Variants in LIX1 observed in about 807,000 individuals in gnomAD.
The protein encoded by LIX1 is limb and CNS expressed 1.
In LIX1, 24 loss-of-function variants were observed where a neutral mutation model predicts 33.4. That is an observed-to-expected ratio of 0.72 (90% CI 0.52 to 1.01). The LOEUF is 1.01. LIX1 is among the 50% of genes least tolerant of loss of function. The probability of loss-of-function intolerance (pLI) is 0.00; values close to 1 mark genes in which losing one functional copy is unlikely to be tolerated. For missense variants in LIX1, 311 were observed against 339.2 expected (o/e 0.92, Z 0.65); for synonymous variants, 124 against 124.0 (o/e 1.00, Z 0.00).
intron 3 of LIX1, among the ~76,000 whole-genome samples, chr5:97,105,849 C>T (rs1561492032): frequency 6.6e-6 from 1 of 152,178 alleles, no homozygotes; most frequent in Non-Finnish European, 1.5e-5. Context: ...AAATGAAATT[C>T]CCTTTCCATT....
Position 97,094,916 on chromosome 5 carries a change from C to T in LIX1, c.681G>A (p.Met227Ile), listed in dbSNP as rs767972758. Residue 227 changes from methionine to isoleucine, a missense_variant, in exon 6 of 6, where the codon ATG becomes ATA. Coordinates refer to ENST00000274382, the MANE Select transcript of LIX1 (RefSeq NM_153234.5). Reference protein sequence around the residue: ...SPGIVSQELRMALRQLEEARK... With the variant: ...SPGIVSQELRIALRQLEEARK... ...TGGCTTCCTCCAACTGCCTCAGGGC[C>T]ATTCGTAGCTCTTGAGAGACAATTC... 6.2e-7 allele frequency: 1 copy of T among 1,614,168 alleles called. No homozygotes were observed. Among genetic ancestry groups the T allele is most frequent in the South Asian group, 1.1e-5 (1 of 91,084 alleles).
At chr5:97,126,020 C>A (rs1362453885) in intron 1 of LIX1, among the ~76,000 whole-genome samples, 1 of 152,206 alleles carries the variant, frequency 6.6e-6, no homozygotes, top group Non-Finnish European at 1.5e-5. Context: ...CAGCTATGCC[C>A]ATAATCCAGG....
chr5:97,121,618 C>T (rs1747787233), intron 2 of LIX1, among the ~76,000 whole-genome samples: 1 of 152,100 alleles, frequency 6.6e-6, no homozygotes, highest in Non-Finnish European at 1.5e-5. Context: ...CTGCTTGCTC[C>T]ATTTTAATAG....
Position 97,107,488 on chromosome 5 carries a change from TACTTAAGCAGC to T in LIX1, c.248_258del (p.Cys83Ter). 2 of 1,614,144 alleles carry T rather than the reference TACTTAAGCAGC, an allele frequency of 1.2e-6. No individual in the cohort carries two copies. Among genetic ancestry groups the T allele is most frequent in the Non-Finnish European group, 1.7e-6 (2 of 1,180,014 alleles). On this transcript the variant is annotated frameshift_variant and splice_region_variant, in exon 3 of 6. Transcript: ENST00000274382. LOFTEE classifies it high-confidence loss of function. ...GCTGCATCCCGCCTGGCCTCGGCTC[TACTTAAGCAGC>T]ACTTGAGAAGGGAGGGAGAAAAGGA...
At chr5:97,136,737 G>A (rs141378814) in intron 1 of LIX1, among the ~76,000 whole-genome samples, 14 of 151,922 alleles carry the variant, frequency 9.2e-5, no homozygotes, top group African/African-American at 3.4e-4. Context: ...GATTATCATC[G>A]CAGGAGGAAA....
At chr5:97,112,106 C>T (rs1366014988) in intron 2 of LIX1, among the ~76,000 whole-genome samples, 1 of 152,218 alleles carries the variant, frequency 6.6e-6, no homozygotes, top group Non-Finnish European at 1.5e-5. Flanking sequence ...TGTTAACCAG[C>T]CGCTTTCTTC....
chr5:97,140,187 A>AAGAT (rs1183258672), intron 1 of LIX1, among the ~76,000 whole-genome samples: 2 of 152,212 alleles, frequency 1.3e-5, no homozygotes, highest in African/African-American at 4.8e-5. Context: ...GCATTCATGG[A>AAGAT]AGATAAATTA....
At chr5:97,103,575 G>A (rs995282528) in intron 4 of LIX1, among the ~76,000 whole-genome samples, 1 of 152,200 alleles carries the variant, frequency 6.6e-6, no homozygotes, top group African/African-American at 2.4e-5. Context: ...GGGCTGACAT[G>A]TGCCCCATCC....
chr5:97,112,086 A>C (rs1168009525), intron 2 of LIX1, among the ~76,000 whole-genome samples: 1 of 152,216 alleles, frequency 6.6e-6, no homozygotes, highest in African/African-American at 2.4e-5. Flanking sequence ...GTACTTCAAA[A>C]TGTCTATAAT....
At chr5:97,118,230 G>A (rs1747687061) in intron 2 of LIX1, among the ~76,000 whole-genome samples, 1 of 152,032 alleles carries the variant, frequency 6.6e-6, no homozygotes, top group Admixed American at 6.6e-5. Flanking sequence ...CTATATTCGA[G>A]GAAATTTTTC....
rs35264000 is a variant in LIX1, at chr5:97,115,756, T to TAA, written c.247-8258_247-8257dup. Among the ~76,000 whole-genome samples, 177 of 140,116 alleles carry TAA rather than the reference T, an allele frequency of 1.3e-3. 1 individual carries two copies. The highest frequency in any genetic ancestry group is 2.8e-3 in the African/African-American group (108 of 38,576). 91.9% of individuals were successfully genotyped at this position (140,116 alleles called of 152,430 possible). The stretch of plus-strand genomic sequence containing the variant: ...AAACACAGTCTGTAAGAAGCAGGAT[T>TAA]AAAAAAAAAAAAAAAGAACAGTAAT... On this transcript the variant is annotated intron_variant, in intron 2 of 5. Coordinates refer to ENST00000274382, the MANE Select transcript of LIX1 (RefSeq NM_153234.5).
intron 1 of LIX1, among the ~76,000 whole-genome samples, chr5:97,132,028 T>C (rs1748067070): frequency 6.6e-6 from 1 of 152,198 alleles, no homozygotes; most frequent in Admixed American, 6.5e-5. Flanking sequence ...GGATAATAAG[T>C]CTGTTTGTCT....
chr5:97,113,755 C>A (rs1290750242), intron 2 of LIX1, among the ~76,000 whole-genome samples: 2 of 152,218 alleles, frequency 1.3e-5, no homozygotes, highest in African/African-American at 4.8e-5. Flanking sequence ...TGCCTAAGGT[C>A]ACATAGCACT....
At chr5:97,124,362 GT>G in intron 2 of LIX1, 103 bp downstream of exon 2, 1 of 998,280 alleles carries the variant, frequency 1.0e-6, no homozygotes, top group Non-Finnish European at 1.4e-6. Flanking sequence ...GTACAACTTT[GT>G]TCACTATTTC....
At chr5:97,129,099 G>A (rs1190811993) in intron 1 of LIX1, among the ~76,000 whole-genome samples, 4 of 151,972 alleles carry the variant, frequency 2.6e-5, no homozygotes, top group African/African-American at 7.3e-5. Context: ...CACCCTTCAC[G>A]TTCCTCACTC....
chr5:97,129,606 C>T (rs1748010736), intron 1 of LIX1, among the ~76,000 whole-genome samples: 1 of 152,050 alleles, frequency 6.6e-6, no homozygotes, highest in Non-Finnish European at 1.5e-5. Context: ...AGTCTTAGAC[C>T]TAGGATTTTT....
chr5:97,107,168 A>G (rs1416505856), intron 3 of LIX1, among the ~76,000 whole-genome samples, 192 bp downstream of exon 3: 1 of 152,256 alleles, frequency 6.6e-6, no homozygotes, highest in East Asian at 1.9e-4. Context: ...ATTAAAAAAT[A>G]TTATTGAGAT....
rs1407107431 is a variant in LIX1 at position 97,136,612 on chromosome 5, C to T, written c.82+5883G>A. Among the ~76,000 whole-genome samples, 4 of 152,080 alleles carry T rather than the reference C, an allele frequency of 2.6e-5. No individual in the cohort carries two copies. The East Asian group carries it at 7.7e-4, about 29-fold the overall frequency. On this transcript the variant is annotated intron_variant, in intron 1 of 5. Transcript: ENST00000274382. ...TGAAGCTGTAACACTTAGTACAGAG[C>T]CACATGAGGGAAATGTAAACTAAAT...
intron 1 of LIX1, among the ~76,000 whole-genome samples, chr5:97,128,432 A>G (rs1747981061): frequency 6.6e-6 from 1 of 152,124 alleles, no homozygotes; most frequent in Non-Finnish European, 1.5e-5. Flanking sequence ...GTTGGCTAGC[A>G]TGGAAATCTT....
Sources: gnomAD v4.1 joint callset for allele counts (sites outside exome capture counted in the v4.1 genomes callset) on GRCh38, gnomAD v4.1.1 for gene constraint, MANE v1.5 for transcripts, NCBI Gene and HGNC (gene_info 2026-07-23, HGNC 2026-07-21) for gene names.